The following NELL2 variants were observed in gnomAD, a reference collection of about 807,000 sequenced individuals.
The protein encoded by NELL2 is neural EGFL like 2, also known as protein kinase C-binding protein NELL2.
In NELL2, 41 loss-of-function variants were observed where a neutral mutation model predicts 109.6. That is an observed-to-expected ratio of 0.37 (90% confidence interval 0.29 to 0.49). NELL2 has a LOEUF of 0.49. Among genes scored for constraint, NELL2 ranks in the 20% least tolerant of loss-of-function variants. The probability of loss-of-function intolerance (pLI) is 0.98; values close to 1 mark genes in which losing one functional copy is unlikely to be tolerated. For synonymous variants in NELL2, 355 were observed against 344.7 expected (o/e 1.03, Z -0.33); for missense variants, 900 against 1,008.3 (o/e 0.89, Z 1.45).
At chr12:44,665,426 T>C in intron 13 of NELL2, 58 bp downstream of exon 13, 2 of 1,480,472 alleles carry the variant, frequency 1.4e-6, no homozygotes, top group East Asian at 2.4e-5. Flanking sequence ...TCAAAGAAAT[T>C]TTTAAAAGTA....
intron 15 of NELL2, among the ~76,000 whole-genome samples, chr12:44,577,476 T>G (rs1408589514): frequency 3.2e-5 from 4 of 125,972 alleles, no homozygotes; most frequent in Non-Finnish European, 3.3e-5. Context: ...TTTTTTTTTT[T>G]TTTTTTTTTT....
intron 15 of NELL2, among the ~76,000 whole-genome samples, chr12:44,569,705 A>G (rs1184016474): frequency 6.6e-6 from 1 of 152,200 alleles, no homozygotes; most frequent in African/African-American, 2.4e-5. Context: ...AGCAACTGAA[A>G]TACTTATTAA....
intron 15 of NELL2, among the ~76,000 whole-genome samples, chr12:44,588,679 T>G (rs962582250): frequency 6.6e-6 from 1 of 152,260 alleles, no homozygotes; most frequent in Non-Finnish European, 1.5e-5. Context: ...TTTCTTTTTA[T>G]TATGGTAAAA....
In NELL2 at chr12:44,593,047, A is replaced by C. The variant is rs1234273655; in HGVS notation, c.1663+14122T>G. Among the ~76,000 whole-genome samples, 3 of 152,214 alleles carry C rather than the reference A, an allele frequency of 2.0e-5. No individual in the cohort carries two copies. The East Asian group carries it at 5.8e-4, about 29-fold the overall frequency. ...GGAATGAAGGAAATGAAGGGAGATG[A>C]GTCTGTCAGGCATAGGTGATTCCAG... is the stretch of plus-strand genomic sequence containing the variant. On this transcript the variant is annotated intron_variant, in intron 15 of 19. Coordinates refer to ENST00000429094, the MANE Select transcript of NELL2 (RefSeq NM_001145108.2).
intron 3 of NELL2, among the ~76,000 whole-genome samples, chr12:44,791,082 C>CATATATATATATATGTATATATATATGT (rs1942374726): frequency 2.5e-4 from 13 of 52,010 alleles, no homozygotes; most frequent in African/African-American, 1.4e-3. Flanking sequence ...TATATATATA[C>CATATATATATATATGTATATATATATGT]ATATATATAT....
chr12:44,637,118 T>C (rs1005689304), intron 13 of NELL2, among the ~76,000 whole-genome samples: 1 of 152,068 alleles, frequency 6.6e-6, no homozygotes, highest in Non-Finnish European at 1.5e-5. Context: ...TCATTTTTTA[T>C]TGTGTCTATT....
intron 9 of NELL2, among the ~76,000 whole-genome samples, chr12:44,771,428 C>T (rs540650440): frequency 1.1e-3 from 164 of 151,982 alleles, no homozygotes; most frequent in African/African-American, 3.8e-3. Context: ...ACTGCACGTT[C>T]CTGAATGACT....
intron 13 of NELL2, among the ~76,000 whole-genome samples, chr12:44,653,678 T>C (rs568575578): frequency 6.6e-6 from 1 of 152,308 alleles, no homozygotes; most frequent in South Asian, 2.1e-4. Context: ...TTCTGCCTTC[T>C]TTGGAATGTA....
chr12:44,598,659 A>G (rs183069672), intron 15 of NELL2, among the ~76,000 whole-genome samples: 12 of 152,278 alleles, frequency 7.9e-5, no homozygotes, highest in Admixed American at 7.8e-4. Context: ...GCTTAAAAAT[A>G]TAATATTAAA....
At chr12:44,849,963 G>A (rs543671477) in intron 2 of NELL2, among the ~76,000 whole-genome samples, 5 of 152,262 alleles carry the variant, frequency 3.3e-5, no homozygotes, top group African/African-American at 1.2e-4. Flanking sequence ...AAAACAGAGA[G>A]TAATTGTGTG....
chr12:44,531,179 G>A (rs1021277649), intron 16 of NELL2, among the ~76,000 whole-genome samples: 2 of 152,120 alleles, frequency 1.3e-5, no homozygotes, highest in African/African-American at 4.8e-5. Flanking sequence ...ATGGGGAAAG[G>A]GGGGAAGAGA....
intron 1 of NELL2, among the ~76,000 whole-genome samples, chr12:44,884,347 G>A (rs1945447681): frequency 1.3e-5 from 2 of 151,828 alleles, no homozygotes; most frequent in Admixed American, 1.3e-4. Flanking sequence ...TGGAGAAAGA[G>A]TAATAGAACT....
chr12:44,858,983 T>C (rs1380090692), intron 2 of NELL2, among the ~76,000 whole-genome samples: 1 of 152,218 alleles, frequency 6.6e-6, no homozygotes, highest in African/African-American at 2.4e-5. Context: ...TACTTGATTT[T>C]ACTCTGTTTC....
chr12:44,734,293 C>T (rs1934687869), intron 9 of NELL2, among the ~76,000 whole-genome samples: 1 of 151,576 alleles, frequency 6.6e-6, no homozygotes, highest in African/African-American at 2.4e-5. Flanking sequence ...GGGAAAAATA[C>T]CTTTCTTTTG....
At chr12:44,636,561 T>A (rs1181406071) in intron 13 of NELL2, among the ~76,000 whole-genome samples, 7 of 152,278 alleles carry the variant, frequency 4.6e-5, no homozygotes, top group Middle Eastern at 3.4e-3. Flanking sequence ...TTGTCATTGG[T>A]TCTGTTTATG....
chr12:44,528,729 AC>A (rs1199429888), intron 16 of NELL2, among the ~76,000 whole-genome samples: 5 of 152,224 alleles, frequency 3.3e-5, no homozygotes, highest in Non-Finnish European at 7.3e-5. Flanking sequence ...ATTTCAGGTG[AC>A]TTTATAATTT....
intron 3 of NELL2, among the ~76,000 whole-genome samples, chr12:44,802,891 G>A (rs1326459346): frequency 1.3e-5 from 2 of 152,000 alleles, no homozygotes; most frequent in African/African-American, 4.8e-5. Flanking sequence ...AGGCAGGTGG[G>A]TGAAGGTCTG....
upstream of NELL2, among the ~76,000 whole-genome samples, chr12:44,918,319 C>T (rs371552594): frequency 2.0e-5 from 3 of 152,134 alleles, no homozygotes; most frequent in East Asian, 5.8e-4. Flanking sequence ...TGCTAATGAT[C>T]CTCTCTTTAA....
intron 2 of NELL2, among the ~76,000 whole-genome samples, chr12:44,853,998 G>C (rs1444038424): frequency 6.6e-6 from 1 of 152,138 alleles, no homozygotes; most frequent in Non-Finnish European, 1.5e-5. Flanking sequence ...GAAGAACTCT[G>C]CTCAGTTACA....
Sources: gnomAD v4.1 joint callset for allele counts (sites outside exome capture counted in the v4.1 genomes callset) on GRCh38, gnomAD v4.1.1 for gene constraint, MANE v1.5 for transcripts, NCBI Gene and HGNC (gene_info 2026-07-23, HGNC 2026-07-21) for gene names.